Variants in PIBF1 observed in about 807,000 individuals in gnomAD.
PIBF1 encodes the protein progesterone immunomodulatory binding factor 1.
In PIBF1, 90 loss-of-function variants were observed where a neutral mutation model predicts 112.5. That is an observed-to-expected ratio of 0.80 (90% CI 0.67 to 0.95). PIBF1 has a LOEUF of 0.95. PIBF1 is among the 40% of genes least tolerant of loss of function. The pLI is 0.00. For synonymous variants in PIBF1, 301 were observed against 288.6 expected (o/e 1.04, Z -0.44); for missense variants, 915 against 852.3 (o/e 1.07, Z -0.92).
chr13:72,851,329 A>C (rs957814306), intron 9 of PIBF1, among the ~76,000 whole-genome samples: 5 of 152,078 alleles, frequency 3.3e-5, no homozygotes, highest in South Asian at 2.1e-4. Flanking sequence ...CCGCTGCCTG[A>C]CCTCTCCCTA....
intron 16 of PIBF1, among the ~76,000 whole-genome samples, chr13:72,991,927 C>T (rs2043495394): frequency 6.6e-6 from 1 of 152,102 alleles, no homozygotes; most frequent in South Asian, 2.1e-4. Context: ...ACCATGTTAG[C>T]CAGGATGGTC....
intron 15 of PIBF1, among the ~76,000 whole-genome samples, chr13:72,966,256 G>A (rs1202085354): frequency 2.6e-5 from 4 of 152,100 alleles, no homozygotes; most frequent in African/African-American, 9.7e-5. Context: ...TAATTCCAAA[G>A]TATAAATGTT....
intron 12 of PIBF1, 49 bp downstream of exon 12, chr13:72,908,730 C>G (rs1206087173): frequency 6.6e-7 from 1 of 1,512,922 alleles, no homozygotes; most frequent in Admixed American, 1.9e-5. Flanking sequence ...TTTCTGGCAA[C>G]AAAAGACGCC....
At chr13:72,987,812 T>G (rs974624025) in intron 16 of PIBF1, among the ~76,000 whole-genome samples, 1 of 147,494 alleles carries the variant, frequency 6.8e-6, no homozygotes, top group African/African-American at 2.5e-5. Flanking sequence ...ATGCCTGGCC[T>G]TCTTGAGTTT....
chr13:72,937,500 C>G (rs2041902156), intron 14 of PIBF1, among the ~76,000 whole-genome samples: 1 of 152,146 alleles, frequency 6.6e-6, no homozygotes, highest in Non-Finnish European at 1.5e-5. Flanking sequence ...AACTCCCATA[C>G]TACATTACTG....
intron 5 of PIBF1, among the ~76,000 whole-genome samples, chr13:72,805,292 G>A (rs1030844732): frequency 2.8e-4 from 43 of 152,114 alleles, no homozygotes; most frequent in African/African-American, 9.9e-4. Context: ...ACAGGCACAC[G>A]CCACGACGCC....
At chr13:72,821,729 A>AT (rs2036564247) in intron 5 of PIBF1, 120 bp from the exon 6 acceptor site, 39 of 661,444 alleles carry the variant, frequency 5.9e-5, no homozygotes, top group Non-Finnish European at 8.0e-5. Flanking sequence ...AAATTGAGGA[A>AT]TTTTTTTTAC....
intron 4 of PIBF1, among the ~76,000 whole-genome samples, chr13:72,797,266 G>T (rs1322652043): frequency 6.6e-6 from 1 of 152,132 alleles, no homozygotes; most frequent in African/African-American, 2.4e-5. Context: ...TTTATTGAGT[G>T]CTTATCATAT....
chr13:72,820,349 G>A (rs1422682054), intron 5 of PIBF1, among the ~76,000 whole-genome samples: 1 of 152,092 alleles, frequency 6.6e-6, no homozygotes, highest in Non-Finnish European at 1.5e-5. Context: ...TTCTTCAGAA[G>A]AACTAAAGAT....
chr13:72,782,773 G>A (rs916430170), intron 1 of PIBF1, among the ~76,000 whole-genome samples: 6 of 151,744 alleles, frequency 4.0e-5, no homozygotes, highest in Non-Finnish European at 8.8e-5. Flanking sequence ...TTTTGTCCCC[G>A]TTTTCCCTAT....
At chr13:72,964,391 G>T (rs1046785874) in intron 14 of PIBF1, among the ~76,000 whole-genome samples, 1 of 152,200 alleles carries the variant, frequency 6.6e-6, no homozygotes, top group African/African-American at 2.4e-5. Context: ...GCTGATGGAA[G>T]TGTTCTGGAA....
intron 6 of PIBF1, among the ~76,000 whole-genome samples, chr13:72,825,058 T>G (rs2036739601): frequency 6.6e-6 from 1 of 152,022 alleles, no homozygotes; most frequent in South Asian, 2.1e-4. Context: ...CAAGGAAAAC[T>G]AAGAAATCTT....
intron 2 of PIBF1, among the ~76,000 whole-genome samples, chr13:72,790,422 C>CAG (rs1491351581): frequency 9.6e-4 from 2 of 2,078 alleles, no homozygotes; most frequent in Admixed American, 0.011. Flanking sequence ...AGGAGTCCAT[C>CAG]ACACACACAC....
intron 14 of PIBF1, among the ~76,000 whole-genome samples, chr13:72,936,225 T>A (rs1321132202): frequency 6.6e-6 from 1 of 151,982 alleles, no homozygotes; most frequent in East Asian, 1.9e-4. Context: ...TTTGTAGAGA[T>A]GAGGTCTCAC....
At chr13:72,911,363 C>T (rs1013494528) in intron 12 of PIBF1, among the ~76,000 whole-genome samples, 3 of 151,984 alleles carry the variant, frequency 2.0e-5, no homozygotes, top group Non-Finnish European at 2.9e-5. Flanking sequence ...TCATTTTTAA[C>T]AAAGGCAGCA....
chr13:72,904,621 A>G (rs182423352), intron 11 of PIBF1, among the ~76,000 whole-genome samples: 84 of 150,958 alleles, frequency 5.6e-4, no homozygotes, highest in African/African-American at 2.0e-3. Flanking sequence ...TTGTATTTTT[A>G]GTAGAGACAG....
At position 72,996,096 on chromosome 13, in the gene PIBF1, G is replaced by T. The variant is rs920063236; in HGVS notation, c.2050-2726G>T. ...AACAAAAAAAAAAAAGCGGGGGGGG[G>T]GGGTCATAAACAAAGTCAAGTAAGA... On this transcript the variant is annotated intron_variant, in intron 16 of 17. Coordinates refer to ENST00000326291, the MANE Select transcript of PIBF1 (RefSeq NM_006346.4). Among the ~76,000 whole-genome samples, 96 of 115,448 alleles carry T rather than the reference G, an allele frequency of 8.3e-4. 20 individuals carry two copies. Among genetic ancestry groups the T allele is most frequent in the African/African-American group, 3.0e-3 (94 of 31,448 alleles). The allele number at this position is 115,448 out of a possible 152,430, so 75.7% of individuals were successfully genotyped here. A position where few individuals can be genotyped will look rare whatever the true frequency, so the allele number is the denominator to read the frequency against.
At chr13:72,999,873 A>C (rs1163249780) in intron 17 of PIBF1, among the ~76,000 whole-genome samples, 1 of 152,222 alleles carries the variant, frequency 6.6e-6, no homozygotes, top group African/African-American at 2.4e-5. Flanking sequence ...GTTCAAGACC[A>C]GGCTGGCCAA....
At chr13:72,913,759 C>T (rs1346684896) in intron 12 of PIBF1, among the ~76,000 whole-genome samples, 3 of 148,032 alleles carry the variant, frequency 2.0e-5, no homozygotes, top group Non-Finnish European at 3.0e-5. Flanking sequence ...GAGACTCTGT[C>T]TCAAAAAAAA....
Sources: allele counts gnomAD v4.1 joint callset (sites outside exome capture counted in the v4.1 genomes callset), GRCh38; gene constraint gnomAD v4.1.1; transcripts MANE v1.5; gene names NCBI Gene and HGNC (gene_info 2026-07-23, HGNC 2026-07-21).